Variants in RYR3 observed in about 807,000 individuals in gnomAD.
The protein encoded by RYR3 is ryanodine receptor 3.
Under a neutral mutation model 584.3 loss-of-function variants are expected in RYR3, and 207 were observed. That is an observed-to-expected ratio of 0.35 (90% CI 0.32 to 0.40). RYR3 has a LOEUF of 0.40. RYR3 is among the 10% of genes least tolerant of loss of function. The probability of loss-of-function intolerance (pLI) is 1.00; values close to 1 mark genes in which losing one functional copy is unlikely to be tolerated. For missense variants in RYR3, 5,616 were observed against 6,089.2 expected (o/e 0.92, Z 2.59); for synonymous variants, 2,416 against 2,248.5 (o/e 1.07, Z -2.11).
chr15:33,839,202 A>T (rs934878678), intron 89 of RYR3, among the ~76,000 whole-genome samples: 3 of 152,220 alleles, frequency 2.0e-5, no homozygotes, highest in African/African-American at 7.2e-5. Flanking sequence ...GAATTCAAAC[A>T]TGATGGCCTG....
At chr15:33,528,137 C>T (rs2572202) in intron 3 of RYR3, among the ~76,000 whole-genome samples, 93,173 of 151,824 alleles carry the variant, frequency 0.61, 30,383 homozygotes, top group Middle Eastern at 0.77. Flanking sequence ...AGTCAGGGTT[C>T]CCTTTCTAAG....
intron 1 of RYR3, among the ~76,000 whole-genome samples, chr15:33,365,638 C>T (rs1975386610): frequency 6.6e-6 from 1 of 152,174 alleles, no homozygotes; most frequent in Non-Finnish European, 1.5e-5. Flanking sequence ...CAATAGCTAA[C>T]GATGCTGTAT....
chr15:33,423,264 CTG>C (rs1567206469), intron 1 of RYR3, among the ~76,000 whole-genome samples: 1 of 152,174 alleles, frequency 6.6e-6, no homozygotes, highest in Non-Finnish European at 1.5e-5. Context: ...ATTTGTCTTT[CTG>C]TGTCTGACTT....
chr15:33,579,665 C>T (rs2058494133), intron 12 of RYR3, among the ~76,000 whole-genome samples: 1 of 152,112 alleles, frequency 6.6e-6, no homozygotes, highest in African/African-American at 2.4e-5. Context: ...TCAGTGAATA[C>T]CCATTGACGC....
chr15:33,841,680 T>C (rs1485055289), intron 90 of RYR3, 184 bp from the exon 91 acceptor site: 5 of 578,558 alleles, frequency 8.6e-6, no homozygotes, highest in Non-Finnish European at 1.5e-5. Context: ...TCATGGCTCA[T>C]CCTCATTGAA....
intron 31 of RYR3, 69 bp downstream of exon 31, chr15:33,649,304 C>G (rs913761718): frequency 3.5e-6 from 5 of 1,408,824 alleles, no homozygotes; most frequent in African/African-American, 1.4e-5. Flanking sequence ...TCTTTTTCTT[C>G]CACCCCACAC....
At chr15:33,423,530 A>G (rs2044385310) in intron 1 of RYR3, among the ~76,000 whole-genome samples, 1 of 152,160 alleles carries the variant, frequency 6.6e-6, no homozygotes, top group Non-Finnish European at 1.5e-5. Flanking sequence ...GTCACATGGT[A>G]ATTCTACATT....
intron 85 of RYR3, 59 bp downstream of exon 85, chr15:33,827,346 C>A: frequency 1.4e-6 from 2 of 1,450,564 alleles, no homozygotes; most frequent in East Asian, 2.5e-5. Context: ...AAGATAAACA[C>A]AGTTACACAG....
chr15:33,567,042 T>C (rs530279500), intron 12 of RYR3, among the ~76,000 whole-genome samples: 1 of 152,196 alleles, frequency 6.6e-6, no homozygotes, highest in African/African-American at 2.4e-5. Context: ...GTGATGAATA[T>C]CCAAGATCTT....
chr15:33,647,358 G>T (rs1349070558), intron 29 of RYR3, 66 bp from the exon 30 acceptor site: 4 of 1,286,030 alleles, frequency 3.1e-6, no homozygotes, highest in Non-Finnish European at 4.5e-6. Flanking sequence ...AGATCAAGTT[G>T]CCTGTCGGAA....
intron 12 of RYR3, among the ~76,000 whole-genome samples, chr15:33,575,062 TCAA>T (rs1373811869): frequency 6.6e-6 from 1 of 152,106 alleles, no homozygotes; most frequent in Non-Finnish European, 1.5e-5. Flanking sequence ...AGAGTTCAAT[TCAA>T]CAAGAAGAGC....
intron 18 of RYR3, 73 bp downstream of exon 18, chr15:33,603,437 A>G (rs2059767544): frequency 6.9e-7 from 1 of 1,446,550 alleles, no homozygotes; most frequent in African/African-American, 1.4e-5. Flanking sequence ...TCAAGCTGAA[A>G]TGACCACTTC....
intron 2 of RYR3, among the ~76,000 whole-genome samples, chr15:33,488,648 C>A (rs377203086): frequency 8.6e-5 from 13 of 151,984 alleles, no homozygotes; most frequent in Non-Finnish European, 1.6e-4. Flanking sequence ...GTCAGGAGAT[C>A]GAGACCATCC....
chr15:33,803,787 T>C (rs955864341), intron 69 of RYR3, among the ~76,000 whole-genome samples: 9 of 152,340 alleles, frequency 5.9e-5, no homozygotes, highest in Admixed American at 4.6e-4. Flanking sequence ...AGTGCAGGGA[T>C]TACAGGCGTG....
intron 12 of RYR3, among the ~76,000 whole-genome samples, chr15:33,578,648 G>A (rs1034295436): frequency 2.6e-5 from 4 of 152,046 alleles, no homozygotes; most frequent in Non-Finnish European, 5.9e-5. Flanking sequence ...AGGAAAAATA[G>A]CTAATGCATG....
intron 42 of RYR3, among the ~76,000 whole-genome samples, chr15:33,705,073 TATGCACACACAC>T (rs1230927974): frequency 3.4e-5 from 5 of 144,958 alleles, no homozygotes; most frequent in African/African-American, 1.1e-4. Context: ...CACACACGCA[TATGCACACACAC>T]ATGCACACAC....
chr15:33,791,096 A>G (rs2152918724), intron 67 of RYR3, among the ~76,000 whole-genome samples: 1 of 152,358 alleles, frequency 6.6e-6, no homozygotes, highest in Admixed American at 6.5e-5. Flanking sequence ...GGATCTGGCA[A>G]TACAGGCAAC....
chr15:33,637,605 G>A (rs1027684112), intron 27 of RYR3, among the ~76,000 whole-genome samples: 5 of 152,180 alleles, frequency 3.3e-5, no homozygotes, highest in African/African-American at 7.2e-5. Context: ...AGACTTTACA[G>A]AAAGAAACAT....
At chr15:33,479,808 C>G (rs1024062968) in intron 2 of RYR3, among the ~76,000 whole-genome samples, 1 of 152,156 alleles carries the variant, frequency 6.6e-6, no homozygotes, top group African/African-American at 2.4e-5. Context: ...ATACCCCTCC[C>G]ACAACTTTTC....
Sources: gnomAD v4.1 joint callset for allele counts (sites outside exome capture counted in the v4.1 genomes callset) on GRCh38, gnomAD v4.1.1 for gene constraint, MANE v1.5 for transcripts, NCBI Gene and HGNC (gene_info 2026-07-23, HGNC 2026-07-21) for gene names.